PCDHGB6: variants seen among roughly 807,000 people sequenced by gnomAD.
PCDHGB6 encodes the protein protocadherin gamma subfamily B, 6.
A neutral mutation model predicts 59.1 loss-of-function variants in PCDHGB6; 51 were observed. The observed-to-expected ratio is 0.86, with a 90% CI of 0.69 to 1.09. The LOEUF is 1.09. Among genes scored for constraint, PCDHGB6 ranks in the 50% least tolerant of loss-of-function variants. The pLI is 0.00. For synonymous variants in PCDHGB6, 466 were observed against 495.1 expected (o/e 0.94, Z 0.78); for missense variants, 1,148 against 1,205.1 (o/e 0.95, Z 0.70).
At position 141,431,277 on chromosome 5, in the gene PCDHGB6, G is replaced by T; in HGVS notation, c.2418+20657G>T. 6.2e-7 allele frequency: 1 copy of T among 1,614,160 alleles called. No homozygotes were observed. The highest frequency in any genetic ancestry group is 1.3e-5 in the African/African-American group (1 of 75,062). On this transcript the variant is annotated intron_variant, in intron 1 of 3. Transcript: ENST00000520790. This position sits in a 1 kb window ranked among gnomAD's most constrained non-coding sequence, Gnocchi z 4.8. ...AACTCTCTGCAGAGCTACGAGCTCAGCCCGAACACTCACTTCTCCCTCATC... is the reference window on the plus strand; with the variant it reads ...AACTCTCTGCAGAGCTACGAGCTCATCCCGAACACTCACTTCTCCCTCATC...
At position 141,410,230 on chromosome 5, in the gene PCDHGB6, C is replaced by A. The variant is rs759582867; in HGVS notation, c.2028C>A (p.Ser676Arg). 1.2e-6 allele frequency: 2 copies of A among 1,614,006 alleles called. No individual in the cohort carries two copies. Among genetic ancestry groups the A allele is most frequent in the South Asian group, 2.2e-5 (2 of 91,092 alleles). ...DNLQEILPDL[S>R]DRPVLSDPQA... is the part of the protein sequence containing the mutation. Reference sequence around the variant, plus strand: ...TGCAAGAGATACTGCCAGACCTCAGCGACCGCCCTGTACTCTCTGACCCCC... The same window carrying A: ...TGCAAGAGATACTGCCAGACCTCAGAGACCGCCCTGTACTCTCTGACCCCC... The change falls in exon 1 of 4, where the codon AGC becomes AGA. Residue 676 changes from serine (S) to arginine (R), a missense_variant. Transcript: ENST00000520790.
rs751177252 is a variant in PCDHGB6 at position 141,415,407 on chromosome 5, T to G, written c.2418+4787T>G. The G allele has an allele frequency of 1.9e-6, 3 of 1,614,086 alleles. No homozygotes were observed. The African/African-American group carries it at 4.0e-5, about 22-fold the overall frequency. ...TGACAGGTGTGTCCGGCTCGCACTTTGTGGGCGTGGACGGGGTTCGGGCTT... is the reference window on the plus strand; with the variant it reads ...TGACAGGTGTGTCCGGCTCGCACTTGGTGGGCGTGGACGGGGTTCGGGCTT... On this transcript the variant is annotated intron_variant, in intron 1 of 3. Transcript: ENST00000520790.
intron 1 of PCDHGB6, among the ~76,000 whole-genome samples, chr5:141,435,833 A>G (rs1354866725): frequency 6.6e-6 from 1 of 152,112 alleles, no homozygotes; most frequent in Non-Finnish European, 1.5e-5. Flanking sequence ...TTTGCTGCCT[A>G]TCTACTTTGA....
At chr5:141,467,344 C>A (rs2099142230) in intron 1 of PCDHGB6, among the ~76,000 whole-genome samples, 1 of 152,122 alleles carries the variant, frequency 6.6e-6, no homozygotes, top group South Asian at 2.1e-4. Flanking sequence ...TAAGCCACTG[C>A]CCCCGGCCAA....
At chr5:141,422,723 G>T in intron 1 of PCDHGB6, 1 of 1,605,958 alleles carries the variant, frequency 6.2e-7, no homozygotes, top group South Asian at 1.1e-5. Flanking sequence ...ACTGTCCAGG[G>T]GGTGCCTCTG....
intron 1 of PCDHGB6, among the ~76,000 whole-genome samples, chr5:141,484,819 G>A (rs2099601374): frequency 1.3e-5 from 2 of 152,122 alleles, no homozygotes; most frequent in Admixed American, 1.3e-4. Flanking sequence ...GCCGTTGAGC[G>A]GGAGGAAGGC....
At chr5:141,415,638 T>G in intron 1 of PCDHGB6, 1 of 1,598,954 alleles carries the variant, frequency 6.3e-7, no homozygotes, top group Non-Finnish European at 8.5e-7. Flanking sequence ...TTTTTACTTT[T>G]GTTAAAAAAA....
intron 1 of PCDHGB6, among the ~76,000 whole-genome samples, chr5:141,444,402 C>T (rs916833331): frequency 6.6e-6 from 1 of 151,932 alleles, no homozygotes; most frequent in African/African-American, 2.4e-5. Flanking sequence ...AACTCCCAAC[C>T]TCAGGTGATC....
chr5:141,501,237 A>G (rs1327502244), intron 2 of PCDHGB6, among the ~76,000 whole-genome samples: 1 of 150,372 alleles, frequency 6.7e-6, no homozygotes, highest in Non-Finnish European at 1.5e-5. Flanking sequence ...CAGTTTTTTG[A>G]GCATGATGTA....
intron 1 of PCDHGB6, chr5:141,421,450 C>A (rs1193440607): frequency 2.5e-6 from 4 of 1,614,126 alleles, no homozygotes; most frequent in Non-Finnish European, 3.4e-6. Flanking sequence ...GAAGACACAG[C>A]TTTTCGCTGT....
At chr5:141,427,845 G>C in intron 1 of PCDHGB6, 1 of 1,550,582 alleles carries the variant, frequency 6.4e-7, no homozygotes, top group Non-Finnish European at 8.8e-7. Context: ...CTTCGACCAC[G>C]AGCAGCTGTG....
intron 1 of PCDHGB6, among the ~76,000 whole-genome samples, chr5:141,456,876 T>C (rs188356008): frequency 1.5e-3 from 222 of 152,196 alleles, no homozygotes; most frequent in African/African-American, 5.2e-3. Flanking sequence ...GGCAGGAGAA[T>C]CGCTTGAACC....
chr5:141,471,338 A>G (rs1562030662), intron 1 of PCDHGB6: 1 of 152,234 alleles, frequency 6.6e-6, no homozygotes, highest in Non-Finnish European at 1.5e-5. Context: ...GGTATGATCC[A>G]CTGCGCCCGG....
chr5:141,503,136 A>G (rs1352550702), intron 2 of PCDHGB6, among the ~76,000 whole-genome samples: 5 of 151,846 alleles, frequency 3.3e-5, no homozygotes, highest in Admixed American at 2.0e-4. Context: ...GTAGCCCCTG[A>G]CACAGCCCAT....
intron 1 of PCDHGB6, chr5:141,428,119 C>T (rs2097112199): frequency 6.2e-7 from 1 of 1,606,512 alleles, no homozygotes; most frequent in Non-Finnish European, 8.5e-7. Context: ...GCCATCGAGC[C>T]CGGGCTTTTC....
chr5:141,413,431 G>C (rs963192857), intron 1 of PCDHGB6: 1 of 1,614,092 alleles, frequency 6.2e-7, no homozygotes, highest in Non-Finnish European at 8.5e-7. Flanking sequence ...CCCGCGCAGC[G>C]GCAGCTTGAT....
intron 1 of PCDHGB6, chr5:141,415,275 G>A (rs1242620005): frequency 5.6e-6 from 9 of 1,614,094 alleles, no homozygotes; most frequent in East Asian, 4.5e-5. Flanking sequence ...TGGTGGTAGC[G>A]GTGGCCGCGG....
chr5:141,462,883 A>T (rs557432183), intron 1 of PCDHGB6, among the ~76,000 whole-genome samples: 9 of 152,230 alleles, frequency 5.9e-5, no homozygotes, highest in African/African-American at 2.2e-4. Context: ...GAACTATTGC[A>T]GTTTGTTTTG....
chr5:141,412,893 A>C (rs1190008207), intron 1 of PCDHGB6: 6 of 340,884 alleles, frequency 1.8e-5, no homozygotes, highest in Non-Finnish European at 2.6e-5. Flanking sequence ...AGAATAGTTT[A>C]CTTTCCATTG....
Sources: allele counts gnomAD v4.1 joint callset (sites outside exome capture counted in the v4.1 genomes callset), GRCh38; gene constraint gnomAD v4.1.1; non-coding constraint Gnocchi (gnomAD v3.1); transcripts MANE v1.5; gene names NCBI Gene and HGNC (gene_info 2026-07-23, HGNC 2026-07-21).